Variants in VWA8 observed in about 807,000 individuals in gnomAD.
The protein encoded by VWA8 is von Willebrand factor A domain-containing protein 8.
In VWA8, 221 loss-of-function variants were observed where a neutral mutation model predicts 241.5. The ratio of observed to expected loss-of-function variants is 0.91; its 90% CI spans 0.82 to 1.02. The LOEUF (loss-of-function observed/expected upper bound fraction) is 1.02. VWA8 is among the 50% of genes least tolerant of loss of function. The pLI is 0.00. For synonymous variants in VWA8, 852 were observed against 827.1 expected, an observed-to-expected ratio of 1.03 and a Z score of -0.52; for missense variants, 2,322 against 2,328.7, an observed-to-expected ratio of 1.00 and a Z score of 0.06.
At chr13:41,829,103 G>T (rs989624568) in intron 14 of VWA8, among the ~76,000 whole-genome samples, 2 of 152,082 alleles carry the variant, frequency 1.3e-5, no homozygotes, top group African/African-American at 4.8e-5. Flanking sequence ...GGGCAACAGA[G>T]GAAAGATTAC....
chr13:41,641,202 G>A (rs538359969), intron 37 of VWA8, among the ~76,000 whole-genome samples: 2 of 152,312 alleles, frequency 1.3e-5, no homozygotes, highest in Admixed American at 6.5e-5. Context: ...GCAAGATATG[G>A]CTAGCAGGGC....
chr13:41,817,279 G>A (rs577419551), intron 15 of VWA8, among the ~76,000 whole-genome samples: 2 of 152,202 alleles, frequency 1.3e-5, no homozygotes, highest in Non-Finnish European at 2.9e-5. Context: ...CCAAAAACAT[G>A]TAAAACACAT....
intron 12 of VWA8, among the ~76,000 whole-genome samples, chr13:41,860,692 T>G (rs974421297): frequency 4.6e-5 from 7 of 152,196 alleles, no homozygotes; most frequent in African/African-American, 1.2e-4. Context: ...AAACTAATTC[T>G]TTTACATAAC....
At chr13:41,763,583 G>A (rs1022939973) in intron 20 of VWA8, among the ~76,000 whole-genome samples, 1 of 152,140 alleles carries the variant, frequency 6.6e-6, no homozygotes, top group African/African-American at 2.4e-5. Flanking sequence ...CAACTGGTAT[G>A]TAAACTTTAA....
At chr13:41,644,928 C>T (rs1476672967) in intron 37 of VWA8, among the ~76,000 whole-genome samples, 1 of 152,146 alleles carries the variant, frequency 6.6e-6, no homozygotes, top group Non-Finnish European at 1.5e-5. Flanking sequence ...TTTAAAGTTT[C>T]CAAGAATAGT....
At chr13:41,825,562 C>A (rs73183400) in intron 14 of VWA8, among the ~76,000 whole-genome samples, 1 of 152,170 alleles carries the variant, frequency 6.6e-6, no homozygotes, top group East Asian at 1.9e-4. Flanking sequence ...AGTGATACCC[C>A]CCGAGCATCG....
At chr13:41,892,730 A>C (rs1289330792) in intron 4 of VWA8, among the ~76,000 whole-genome samples, 1 of 152,164 alleles carries the variant, frequency 6.6e-6, no homozygotes, top group Non-Finnish European at 1.5e-5. Context: ...TATTTTCTCC[A>C]AACCTGCTTC....
chr13:41,683,324 T>C (rs1040154379), intron 35 of VWA8, among the ~76,000 whole-genome samples: 4 of 151,860 alleles, frequency 2.6e-5, no homozygotes, highest in Non-Finnish European at 5.9e-5. Context: ...TCAAATGCAC[T>C]GTATTAATTG....
intron 1 of VWA8, chr13:41,955,915 T>G (rs1279803459): frequency 6.6e-6 from 1 of 152,228 alleles, no homozygotes. Context: ...AGTAAGCTGT[T>G]TCCGTACCTG....
intron 37 of VWA8, among the ~76,000 whole-genome samples, chr13:41,629,912 C>T (rs1036838796): frequency 6.6e-6 from 1 of 152,110 alleles, no homozygotes; most frequent in Non-Finnish European, 1.5e-5. Context: ...CTCTTTAATC[C>T]CTCAACACCC....
At chr13:41,813,439 T>C (rs1870555671) in intron 16 of VWA8, among the ~76,000 whole-genome samples, 2 of 152,156 alleles carry the variant, frequency 1.3e-5, no homozygotes, top group Non-Finnish European at 2.9e-5. Context: ...AAAAGTCAAA[T>C]ATAACTCAGA....
chr13:41,573,807 A>AGAT (rs1280164452), intron 43 of VWA8, among the ~76,000 whole-genome samples: 1 of 151,194 alleles, frequency 6.6e-6, no homozygotes, highest in African/African-American at 2.4e-5. Context: ...TTTTTGGTAG[A>AGAT]GATGGGATTT....
intron 4 of VWA8, among the ~76,000 whole-genome samples, chr13:41,897,278 A>C (rs1309726523): frequency 1.3e-5 from 2 of 152,236 alleles, no homozygotes; most frequent in Non-Finnish European, 2.9e-5. Context: ...TCTCAAAAGA[A>C]GACGTACAGA....
At chr13:41,678,685 C>CT (rs570554379) in intron 35 of VWA8, among the ~76,000 whole-genome samples, 5 of 152,066 alleles carry the variant, frequency 3.3e-5, no homozygotes, top group Non-Finnish European at 4.4e-5. Flanking sequence ...TTTAAAATAT[C>CT]TTTTTTTTCC....
At position 41,908,287 on chromosome 13, in the gene VWA8, G is replaced by A. The variant is rs545904729; in HGVS notation, c.373-591C>T. 3.0e-4 allele frequency among the ~76,000 whole-genome samples: 46 copies of A among 152,246 alleles called. No homozygotes were observed. The South Asian group carries it at 8.9e-3, about 30-fold the overall frequency. ...TCGAGACCAGCCTGGCCAATGTGGTGAAACCCTGTCTCTATTAAAAATACA... is the reference window on the plus strand; with the variant it reads ...TCGAGACCAGCCTGGCCAATGTGGTAAAACCCTGTCTCTATTAAAAATACA... On this transcript the variant is annotated intron_variant, in intron 3 of 44. Transcript: ENST00000379310.
intron 44 of VWA8, 115 bp from the exon 45 acceptor site, chr13:41,568,420 T>TC: frequency 5.6e-6 from 4 of 712,850 alleles, no homozygotes; most frequent in Non-Finnish European, 9.6e-6. Flanking sequence ...GTTTTTACTT[T>TC]CTAATACCTT....
chr13:41,924,485 AAG>A (rs987180610), intron 2 of VWA8, among the ~76,000 whole-genome samples: 3 of 151,982 alleles, frequency 2.0e-5, no homozygotes, highest in Admixed American at 2.0e-4. Flanking sequence ...AAGAAAGAAA[AAG>A]AAAACAGAGT....
At chr13:41,682,621 G>A (rs1169185259) in intron 35 of VWA8, among the ~76,000 whole-genome samples, 2 of 152,076 alleles carry the variant, frequency 1.3e-5, no homozygotes, top group Non-Finnish European at 2.9e-5. Context: ...GGTGGCATGT[G>A]CCTGTAGTCT....
At chr13:41,884,587 A>T (rs893263991) in intron 8 of VWA8, among the ~76,000 whole-genome samples, 5 of 151,928 alleles carry the variant, frequency 3.3e-5, no homozygotes, top group African/African-American at 1.2e-4. Flanking sequence ...AGGAAAAAAA[A>T]AAAGAAAAAA....
Sources: gnomAD v4.1 joint callset for allele counts (sites outside exome capture counted in the v4.1 genomes callset) on GRCh38, gnomAD v4.1.1 for gene constraint, MANE v1.5 for transcripts, NCBI Gene and HGNC (gene_info 2026-07-23, HGNC 2026-07-21) for gene names.